SGMS1: variants seen among roughly 807,000 people sequenced by gnomAD.
SGMS1 encodes the protein phosphatidylcholine:ceramide cholinephosphotransferase 1.
Under a neutral mutation model 46.2 loss-of-function variants are expected in SGMS1, and 13 were observed. The ratio of observed to expected loss-of-function variants is 0.28; its 90% CI spans 0.18 to 0.45. The LOEUF is 0.45. Among genes scored for constraint, SGMS1 ranks in the 20% least tolerant of loss-of-function variants. The pLI is 1.00. For missense variants in SGMS1, 324 were observed against 519.9 expected (o/e 0.62, Z 3.66); for synonymous variants, 203 against 187.8 (o/e 1.08, Z -0.66).
At chr10:50,547,802 CG>C (rs1301274222) in intron 2 of SGMS1, among the ~76,000 whole-genome samples, 2 of 152,000 alleles carry the variant, frequency 1.3e-5, no homozygotes, top group Non-Finnish European at 2.9e-5. Context: ...AAGAAAATAC[CG>C]GCAAACCAAA....
chr10:50,579,232 CT>C (rs1310894318), intron 2 of SGMS1, among the ~76,000 whole-genome samples: 1 of 151,778 alleles, frequency 6.6e-6, no homozygotes, highest in East Asian at 1.9e-4. Flanking sequence ...AGGAAATATC[CT>C]AAGAATACAG....
chr10:50,598,887 A>C (rs1395392606), intron 1 of SGMS1, among the ~76,000 whole-genome samples: 3 of 152,238 alleles, frequency 2.0e-5, no homozygotes, highest in Non-Finnish European at 4.4e-5. Flanking sequence ...CAGCAAAACA[A>C]ATAAGGAGAA....
At chr10:50,574,533 C>T (rs1331705808) in intron 2 of SGMS1, among the ~76,000 whole-genome samples, 1 of 152,152 alleles carries the variant, frequency 6.6e-6, no homozygotes, top group Non-Finnish European at 1.5e-5. Flanking sequence ...AACCCTTGCA[C>T]ACTACTGGTG....
chr10:50,407,433 G>A (rs570533190), intron 6 of SGMS1, among the ~76,000 whole-genome samples: 67 of 152,024 alleles, frequency 4.4e-4, no homozygotes, highest in Non-Finnish European at 8.8e-5. Context: ...TGCCTAACCC[G>A]AGAAAGGGAG....
Position 50,389,648 on chromosome 10 carries a change from G to T in SGMS1, c.-232+43828C>A, listed in dbSNP as rs149036220. ...CATGCACACAGCCACTAAAATAAAG[G>T]CCTCTGATGTCTCATCAGGCTCTAC... is the stretch of plus-strand genomic sequence containing the variant. On this transcript the variant is annotated intron_variant, in intron 6 of 10. Transcript: ENST00000361781. 3.2e-3 allele frequency among the ~76,000 whole-genome samples: 494 copies of T among 152,148 alleles called. 6 individuals are homozygous for T. Among genetic ancestry groups the T allele is most frequent in the African/African-American group, 0.011 (443 of 41,492 alleles).
intron 3 of SGMS1, among the ~76,000 whole-genome samples, chr10:50,490,545 G>A (rs1373857374): frequency 2.0e-5 from 3 of 152,202 alleles, no homozygotes; most frequent in Admixed American, 2.0e-4. Context: ...TTTCTCGTTA[G>A]CTCTGTGACC....
chr10:50,538,620 A>G (rs768593676), intron 2 of SGMS1, among the ~76,000 whole-genome samples: 1 of 152,124 alleles, frequency 6.6e-6, no homozygotes, highest in Non-Finnish European at 1.5e-5. Flanking sequence ...ACCCCTCATC[A>G]TCATGACCAC....
intron 4 of SGMS1, among the ~76,000 whole-genome samples, chr10:50,465,222 T>C (rs1003291186): frequency 6.6e-6 from 1 of 152,202 alleles, no homozygotes; most frequent in Non-Finnish European, 1.5e-5. Context: ...CCAAAGACCT[T>C]AGAGTGAAGC....
chr10:50,600,091 C>T (rs1838635751), intron 1 of SGMS1, among the ~76,000 whole-genome samples: 1 of 152,154 alleles, frequency 6.6e-6, no homozygotes, highest in Non-Finnish European at 1.5e-5. Context: ...GAGCACTTAA[C>T]CAGAACCAGA....
chr10:50,420,426 T>C (rs1172531935), intron 6 of SGMS1, among the ~76,000 whole-genome samples: 1 of 152,216 alleles, frequency 6.6e-6, no homozygotes, highest in East Asian at 1.9e-4. Context: ...CCCCTCCCTC[T>C]ATGCCTCTCA....
Position 50,305,956 on chromosome 10 carries a change from T to C in SGMS1, c.*1186A>G, listed in dbSNP as rs1482337081. The C allele has an allele frequency of 6.5e-6, 1 of 152,682 alleles. No individual in the cohort carries two copies. The highest frequency in any genetic ancestry group is 1.5e-5 in the Non-Finnish European group (1 of 68,008). The allele number at this position is 152,682 out of a possible 1,614,324, so 9.5% of individuals were successfully genotyped here. On this transcript the variant is annotated 3_prime_UTR_variant, in exon 11 of 11. Coordinates refer to ENST00000361781, the MANE Select transcript of SGMS1 (RefSeq NM_147156.4). Reference sequence around the variant, plus strand: ...GAGTAAAACTTAGAGTTACATGCAGTTTCTGCACAAATATCTTTTAAAGAA... The same window carrying C: ...GAGTAAAACTTAGAGTTACATGCAGCTTCTGCACAAATATCTTTTAAAGAA...
intron 6 of SGMS1, among the ~76,000 whole-genome samples, chr10:50,417,413 A>AAAAATAAAAT (rs140505093): frequency 3.7e-4 from 55 of 149,516 alleles, no homozygotes; most frequent in South Asian, 8.6e-4. Flanking sequence ...AAACAAACAC[A>AAAAATAAAAT]AAAATAAAAT....
At chr10:50,592,920 C>CCCGTGGTGATATCCGCCTCCAAGATGGT (rs1326762129) in intron 1 of SGMS1, among the ~76,000 whole-genome samples, 5 of 152,198 alleles carry the variant, frequency 3.3e-5, no homozygotes, top group Non-Finnish European at 5.9e-5. Context: ...TCCAAGATGG[C>CCCGTGGTGATATCCGCCTCCAAGATGGT]CCGTGGTGAT....
At chr10:50,466,385 T>C (rs1277096362) in intron 4 of SGMS1, among the ~76,000 whole-genome samples, 1 of 152,104 alleles carries the variant, frequency 6.6e-6, no homozygotes, top group Non-Finnish European at 1.5e-5. Flanking sequence ...TACAAATTGT[T>C]ACACAGTAGA....
chr10:50,586,938 T>C (rs1838489803), intron 2 of SGMS1, among the ~76,000 whole-genome samples: 2 of 152,188 alleles, frequency 1.3e-5, no homozygotes, highest in African/African-American at 4.8e-5. Context: ...TCTCCCACAA[T>C]GGAATGCTCT....
intron 6 of SGMS1, among the ~76,000 whole-genome samples, chr10:50,375,966 A>G (rs981642580): frequency 6.6e-6 from 1 of 152,136 alleles, no homozygotes; most frequent in African/African-American, 2.4e-5. Flanking sequence ...GGAGTAGCTA[A>G]GACTACAAGT....
At chr10:50,511,524 T>C (rs1355704675) in intron 3 of SGMS1, among the ~76,000 whole-genome samples, 1 of 152,128 alleles carries the variant, frequency 6.6e-6, no homozygotes, top group Non-Finnish European at 1.5e-5. Context: ...ACTGAAGACT[T>C]CTTAACTTCT....
At chr10:50,449,119 A>C (rs576887979) in intron 5 of SGMS1, among the ~76,000 whole-genome samples, 16 of 152,354 alleles carry the variant, frequency 1.1e-4, no homozygotes, top group African/African-American at 3.1e-4. Context: ...AAGAAAATAA[A>C]AAGCAGAAAG....
At chr10:50,549,947 T>G (rs1838134486) in intron 2 of SGMS1, among the ~76,000 whole-genome samples, 2 of 152,142 alleles carry the variant, frequency 1.3e-5, no homozygotes, top group African/African-American at 4.8e-5. Flanking sequence ...CCACAGCTAT[T>G]AAAAGCTACA....
Sources: gnomAD v4.1 joint callset for allele counts (sites outside exome capture counted in the v4.1 genomes callset) on GRCh38, gnomAD v4.1.1 for gene constraint, MANE v1.5 for transcripts, NCBI Gene and HGNC (gene_info 2026-07-23, HGNC 2026-07-21) for gene names.